The following PKN2 variants were observed in gnomAD, a reference collection of about 807,000 sequenced individuals.
The protein encoded by PKN2 is serine/threonine-protein kinase N2.
PKN2 carries 38 observed loss-of-function variants against 119.1 expected under a neutral mutation model. The ratio of observed to expected loss-of-function variants is 0.32; its 90% CI spans 0.25 to 0.42. The LOEUF is 0.42. PKN2 is among the 10% of genes least tolerant of loss of function. The pLI is 1.00. For synonymous variants in PKN2, 390 were observed against 384.9 expected (o/e 1.01, Z -0.15); for missense variants, 850 against 1,165.1 (o/e 0.73, Z 3.94).
chr1:88,803,539 A>T (rs1299393699), intron 8 of PKN2, among the ~76,000 whole-genome samples: 1 of 152,224 alleles, frequency 6.6e-6, no homozygotes, highest in Non-Finnish European at 1.5e-5. Context: ...ACGTTAAAAC[A>T]TATAGGTAGA....
intron 6 of PKN2, among the ~76,000 whole-genome samples, chr1:88,774,303 A>G (rs887855295): frequency 3.9e-5 from 6 of 152,220 alleles, no homozygotes; most frequent in African/African-American, 1.4e-4. Flanking sequence ...CATTGGCCAC[A>G]TGATTGAATT....
Position 88,810,174 on chromosome 1 carries a change from G to T in PKN2, c.2102+2399G>T, listed in dbSNP as rs1032012344. Among the ~76,000 whole-genome samples the T allele has an allele frequency of 2.0e-5, 3 of 151,622 alleles. No homozygotes were observed. In the East Asian group the frequency reaches 5.8e-4, roughly 29 times the overall value. ...TTGCTCTTGTTGACCAAACTGGAGT[G>T]CAATGGCATGAATTTGGCTCACTGC... On this transcript the variant is annotated intron_variant, in intron 15 of 21. Transcript: ENST00000370521.
chr1:88,763,139 T>G (rs1210670782), intron 3 of PKN2, among the ~76,000 whole-genome samples: 1 of 152,204 alleles, frequency 6.6e-6, no homozygotes, highest in Non-Finnish European at 1.5e-5. Context: ...CAGTGGAGTT[T>G]TAAGTGGGTG....
chr1:88,820,640 A>G (rs1672242149), intron 16 of PKN2, among the ~76,000 whole-genome samples: 1 of 152,200 alleles, frequency 6.6e-6, no homozygotes, highest in South Asian at 2.1e-4. Context: ...ATGTAAATAT[A>G]TTCTGAAAGT....
At position 88,807,339 on chromosome 1, in the gene PKN2, G is replaced by A; in HGVS notation, c.1830G>A (p.Gln610=). Residue 610 remains glutamine (Q), a synonymous_variant, in exon 13 of 22, where the codon CAG becomes CAA. Coordinates refer to ENST00000370521, the MANE Select transcript of PKN2 (RefSeq NM_006256.4). The part of the protein sequence containing the change: ...GQDSETVFDI[Q]NDRNSILPKS... ...ATTCAGAGACTGTTTTTGATATTCA[G>A]AATGACAGAAATAGTATACTTCCAA... 1 of 1,581,616 alleles carries A rather than the reference G, an allele frequency of 6.3e-7. No homozygotes were observed.
At chr1:88,770,590 TTC>T in intron 4 of PKN2, 121 bp downstream of exon 4, 7 of 620,852 alleles carry the variant, frequency 1.1e-5, no homozygotes, top group South Asian at 4.5e-5. Flanking sequence ...TTTTTTTTTT[TTC>T]TTTTTTTTTT....
intron 16 of PKN2, among the ~76,000 whole-genome samples, chr1:88,817,088 C>T (rs930936842): frequency 5.3e-5 from 8 of 152,134 alleles, no homozygotes; most frequent in Admixed American, 2.0e-4. Context: ...CTGGCAGAGA[C>T]ACCACAAAAA....
chr1:88,826,766 T>C (rs990794002), intron 18 of PKN2, among the ~76,000 whole-genome samples: 1 of 152,188 alleles, frequency 6.6e-6, no homozygotes, highest in South Asian at 2.1e-4. Context: ...TAGAGCCTGA[T>C]ATTAACCACT....
chr1:88,712,320 AG>A (rs111333333), intron 1 of PKN2, among the ~76,000 whole-genome samples: 1 of 152,128 alleles, frequency 6.6e-6, no homozygotes, highest in Non-Finnish European at 1.5e-5. Context: ...ATAATTTTTT[AG>A]GAAAAAAACC....
chr1:88,799,865 G>A (rs911455941), intron 8 of PKN2, among the ~76,000 whole-genome samples: 5 of 152,144 alleles, frequency 3.3e-5, no homozygotes, highest in African/African-American at 1.2e-4. Flanking sequence ...CTCTTTCAGT[G>A]TACTATCTGC....
At chr1:88,768,675 T>C (rs1055692842) in intron 3 of PKN2, among the ~76,000 whole-genome samples, 1 of 152,196 alleles carries the variant, frequency 6.6e-6, no homozygotes, top group Non-Finnish European at 1.5e-5. Flanking sequence ...CATCTTCGAG[T>C]AGGTCATTAT....
At chr1:88,813,969 T>C (rs1671881575) in intron 16 of PKN2, among the ~76,000 whole-genome samples, 1 of 152,206 alleles carries the variant, frequency 6.6e-6, no homozygotes, top group Non-Finnish European at 1.5e-5. Context: ...ATAAGCAATT[T>C]AGATTCATTT....
chr1:88,725,172 C>G (rs1287269810), intron 1 of PKN2, among the ~76,000 whole-genome samples: 1 of 152,124 alleles, frequency 6.6e-6, no homozygotes, highest in African/African-American at 2.4e-5. Flanking sequence ...TGGGTTAATA[C>G]AAATGAAGTT....
chr1:88,690,933 G>A (rs901190339), intron 1 of PKN2, among the ~76,000 whole-genome samples: 2 of 152,144 alleles, frequency 1.3e-5, no homozygotes, highest in African/African-American at 4.8e-5. Flanking sequence ...TCAAATTGGT[G>A]AAAGTTTTAC....
At chr1:88,792,347 G>T (rs1299554268) in intron 8 of PKN2, among the ~76,000 whole-genome samples, 1 of 152,162 alleles carries the variant, frequency 6.6e-6, no homozygotes, top group Non-Finnish European at 1.5e-5. Context: ...AGGTTGCAGT[G>T]AGCCAAGATC....
Position 88,833,260 on chromosome 1 carries a change from G to A in PKN2, c.2767G>A (p.Ala923Thr), listed in dbSNP as rs765126182. 5.3e-5 allele frequency: 86 copies of A among 1,612,906 alleles called. No homozygotes were observed. Among genetic ancestry groups the A allele is most frequent in the Middle Eastern group, 1.6e-4 (1 of 6,080 alleles). The part of the protein sequence containing the change: ...HPFFRLIDWS[A>T]LMDKKVKPPF... ...TATGATCCAGCTAATTGATTGGAGC[G>A]CTCTGATGGACAAAAAAGTAAAGCC... The change falls in exon 22 of 22, where the codon GCT becomes ACT. Residue 923 changes from alanine (A) to threonine (T), a missense_variant. Physicochemically the swap from Ala to Thr is moderately conservative, Grantham distance 58. Transcript: ENST00000370521.
In PKN2 at chr1:88,771,645, G is replaced by A. The variant is rs1285705458; in HGVS notation, c.769-18G>A. The stretch of plus-strand genomic sequence containing the variant: ...TGTGATTATTTAAATGACAACAATT[G>A]TCTTTTCCCTGTGCAAGGCTCAAGC... On this transcript the variant is annotated intron_variant, in intron 5 of 21. Coordinates refer to ENST00000370521, the MANE Select transcript of PKN2 (RefSeq NM_006256.4). 19 of 1,606,700 alleles carry A rather than the reference G, an allele frequency of 1.2e-5. No homozygotes were observed. The highest frequency in any genetic ancestry group is 1.6e-5 in the Non-Finnish European group (19 of 1,173,928).
At chr1:88,796,098 C>T (rs1183909313) in intron 8 of PKN2, among the ~76,000 whole-genome samples, 1 of 152,174 alleles carries the variant, frequency 6.6e-6, no homozygotes, top group African/African-American at 2.4e-5. Flanking sequence ...TTTTTAGCAA[C>T]TATACAGGTT....
intron 6 of PKN2, among the ~76,000 whole-genome samples, chr1:88,778,114 C>T (rs978471050): frequency 6.6e-6 from 1 of 152,158 alleles, no homozygotes; most frequent in African/African-American, 2.4e-5. Flanking sequence ...ACTAATGTAC[C>T]TTTTACATGT....
Sources: gnomAD v4.1 joint callset for allele counts (sites outside exome capture counted in the v4.1 genomes callset) on GRCh38, gnomAD v4.1.1 for gene constraint, MANE v1.5 for transcripts, NCBI Gene and HGNC (gene_info 2026-07-23, HGNC 2026-07-21) for gene names.